Variants in LRRC7 observed in about 807,000 individuals in gnomAD.
LRRC7 encodes the protein leucine-rich repeat-containing protein 7.
LRRC7 carries 23 observed loss-of-function variants against 175.7 expected under a neutral mutation model. The ratio of observed to expected loss-of-function variants is 0.13; its 90% confidence interval spans 0.09 to 0.19. The LOEUF is 0.19. LRRC7 is among the 10% of genes least tolerant of loss of function. The pLI is 1.00. For missense variants in LRRC7, 1,354 were observed against 1,904.7 expected (o/e 0.71, Z 5.38); for synonymous variants, 685 against 680.9 (o/e 1.01, Z -0.09).
chr1:69,710,606 T>G (rs1664646334), intron 2 of LRRC7, among the ~76,000 whole-genome samples: 1 of 152,152 alleles, frequency 6.6e-6, no homozygotes, highest in Admixed American at 6.5e-5. Flanking sequence ...AGAATCTTGG[T>G]TTTGTTTCCT....
At chr1:70,096,513 T>C (rs373090394) in intron 25 of LRRC7, among the ~76,000 whole-genome samples, 14 of 152,218 alleles carry the variant, frequency 9.2e-5, no homozygotes, top group African/African-American at 3.1e-4. Context: ...AATTAAACAT[T>C]AAAATGATTA....
Position 69,866,589 on chromosome 1 carries a change from G to A in LRRC7, c.647+28306G>A, listed in dbSNP as rs80334390. Reference sequence around the variant, plus strand: ...TGCTATAATTGTGGCTAAATAAGAGGATATTTACATCTTATAAAATGAAAG... The same window carrying A: ...TGCTATAATTGTGGCTAAATAAGAGAATATTTACATCTTATAAAATGAAAG... On this transcript the variant is annotated intron_variant, in intron 7 of 26. Coordinates refer to ENST00000651989, the MANE Select transcript of LRRC7 (RefSeq NM_001370785.2). 3.4e-3 allele frequency among the ~76,000 whole-genome samples: 510 copies of A among 152,170 alleles called. 5 individuals carry two copies. The highest frequency in any genetic ancestry group is 0.024 in the East Asian group (125 of 5,186).
intron 7 of LRRC7, chr1:69,874,750 C>G (rs564734064): frequency 9.2e-5 from 14 of 152,118 alleles, no homozygotes; most frequent in South Asian, 4.2e-4. Context: ...ATGCCTAACT[C>G]TTTGTATAAA....
chr1:69,876,407 A>G (rs1253154876), intron 7 of LRRC7, among the ~76,000 whole-genome samples: 1 of 152,186 alleles, frequency 6.6e-6, no homozygotes, highest in Admixed American at 6.6e-5. Context: ...AATATAAGTT[A>G]ATAAAGACTG....
rs560080671 is a variant in LRRC7 at position 70,020,940 on chromosome 1, A to G, written c.1421-65A>G. ...GTATCTATCACCATTTTTGCATACT[A>G]TATTAAATACTTTGTGTAAAATTGT... is the stretch of plus-strand genomic sequence containing the variant. On this transcript the variant is annotated intron_variant, in intron 15 of 26. Transcript: ENST00000651989. 7 of 1,419,388 alleles carry G rather than the reference A, an allele frequency of 4.9e-6. No homozygotes were observed. In the South Asian group the frequency reaches 9.6e-5, roughly 20 times the overall value. The allele number at this position is 1,419,388 out of a possible 1,614,324, so 87.9% of individuals were successfully genotyped here.
chr1:69,891,862 A>G (rs1329516443), intron 7 of LRRC7, among the ~76,000 whole-genome samples: 1 of 152,178 alleles, frequency 6.6e-6, no homozygotes, highest in Admixed American at 6.5e-5. Context: ...GTGCCAATAG[A>G]CTTGCTCAAC....
At chr1:70,102,825 A>C (rs1455549476) in intron 25 of LRRC7, among the ~76,000 whole-genome samples, 1 of 152,198 alleles carries the variant, frequency 6.6e-6, no homozygotes, top group Admixed American at 6.5e-5. Flanking sequence ...CATAGAAGTT[A>C]ACTTGCCCAA....
intron 7 of LRRC7, chr1:69,919,646 G>T (rs1646822724): frequency 1.1e-6 from 1 of 873,556 alleles, no homozygotes; most frequent in Non-Finnish European, 1.9e-6. Context: ...CAAGGCAGGA[G>T]AGAAGGACTT....
At chr1:69,794,616 A>G (rs1409412485) in intron 4 of LRRC7, among the ~76,000 whole-genome samples, 1 of 152,214 alleles carries the variant, frequency 6.6e-6, no homozygotes, top group African/African-American at 2.4e-5. Context: ...TAGTATATGG[A>G]CAATTATCAC....
chr1:69,852,669 G>C (rs1683117967), intron 7 of LRRC7, among the ~76,000 whole-genome samples: 1 of 151,998 alleles, frequency 6.6e-6, no homozygotes. Flanking sequence ...GTTATATGTG[G>C]ACTTTATTTG....
intron 24 of LRRC7, among the ~76,000 whole-genome samples, chr1:70,077,047 A>C (rs1662833699): frequency 6.6e-6 from 1 of 152,166 alleles, no homozygotes; most frequent in Non-Finnish European, 1.5e-5. Context: ...GATAGGCAAC[A>C]TTCCTACTGA....
intron 1 of LRRC7, among the ~76,000 whole-genome samples, chr1:69,584,032 C>T (rs1458119387): frequency 6.6e-6 from 1 of 152,120 alleles, no homozygotes; most frequent in Non-Finnish European, 1.5e-5. Context: ...AAAAGACTTA[C>T]TCATTTTGAT....
chr1:69,851,507 A>G (rs1472450151), intron 7 of LRRC7, among the ~76,000 whole-genome samples: 1 of 152,146 alleles, frequency 6.6e-6, no homozygotes, highest in Non-Finnish European at 1.5e-5. Context: ...TGGGATGTAG[A>G]GCACAAATGG....
intron 1 of LRRC7, among the ~76,000 whole-genome samples, chr1:69,667,469 T>G (rs547067865): frequency 5.3e-5 from 8 of 152,328 alleles, no homozygotes; most frequent in African/African-American, 1.9e-4. Flanking sequence ...GTATGTGTTT[T>G]GTATACCTAT....
At chr1:69,779,818 G>C (rs1435015743) in intron 3 of LRRC7, among the ~76,000 whole-genome samples, 2 of 152,206 alleles carry the variant, frequency 1.3e-5, no homozygotes, top group East Asian at 1.9e-4. Flanking sequence ...TACTAGAAAG[G>C]ACTATAATTG....
intron 4 of LRRC7, among the ~76,000 whole-genome samples, chr1:69,814,930 G>T (rs990351622): frequency 1.3e-5 from 2 of 152,036 alleles, no homozygotes; most frequent in African/African-American, 2.4e-5. Context: ...TGTTTGTTTT[G>T]TTGATTTTAT....
Position 70,125,530 on chromosome 1 carries a change from C to T in LRRC7, c.*3643C>T, listed in dbSNP as rs535285504. On this transcript the variant is annotated 3_prime_UTR_variant, in exon 27 of 27. Coordinates refer to ENST00000651989, the MANE Select transcript of LRRC7 (RefSeq NM_001370785.2). ...AGAGAGGGCCGGGCGCGGTGGCTCACGCCTGTAATCCCAGCACTTTGGGAG... is the reference window on the plus strand; with the variant it reads ...AGAGAGGGCCGGGCGCGGTGGCTCATGCCTGTAATCCCAGCACTTTGGGAG... 6.6e-6 allele frequency among the ~76,000 whole-genome samples: 1 copy of T among 152,164 alleles called. No homozygotes were observed. Among genetic ancestry groups the T allele is most frequent in the Non-Finnish European group, 1.5e-5 (1 of 68,024 alleles).
intron 7 of LRRC7, among the ~76,000 whole-genome samples, chr1:69,880,761 T>C (rs925013906): frequency 1.4e-5 from 2 of 146,414 alleles, no homozygotes; most frequent in Admixed American, 6.6e-5. Context: ...TTGTCATATA[T>C]AAGGAAAAAA....
At chr1:69,943,512 G>A (rs1648956415) in intron 8 of LRRC7, among the ~76,000 whole-genome samples, 1 of 152,042 alleles carries the variant, frequency 6.6e-6, no homozygotes, top group African/African-American at 2.4e-5. Flanking sequence ...GAATTAGATA[G>A]TGGTGATGGT....
Sources: gnomAD v4.1 joint callset for allele counts (sites outside exome capture counted in the v4.1 genomes callset) on GRCh38, gnomAD v4.1.1 for gene constraint, MANE v1.5 for transcripts, NCBI Gene and HGNC (gene_info 2026-07-23, HGNC 2026-07-21) for gene names.